Variants in ATM observed in about 807,000 individuals in gnomAD.
ATM encodes ATM serine/threonine kinase.
Under a neutral mutation model 387.0 loss-of-function variants are expected in ATM, and 308 were observed. The observed-to-expected ratio is 0.80, with a 90% CI of 0.73 to 0.87. The LOEUF (loss-of-function observed/expected upper bound fraction) is 0.87, where lower values mean the gene tolerates loss of function less well. Among genes scored for constraint, ATM ranks in the 40% least tolerant of loss-of-function variants. The pLI, the probability that ATM is intolerant of heterozygous loss-of-function variation, is 0.00. For missense variants in ATM, 3,312 were observed against 3,560.9 expected (o/e 0.93, Z 1.78); for synonymous variants, 1,156 against 1,187.3 (o/e 0.97, Z 0.54).
Position 108,365,380 on chromosome 11 carries a change from G to C in ATM, c.9043G>C (p.Glu3015Gln), listed in dbSNP as rs1591387120. The change falls in exon 63 of 63, where the codon GAG becomes CAG. Residue 3015 changes from glutamate (E) to glutamine (Q), a missense_variant. By Grantham distance (29) the Glu-to-Gln change is conservative. Transcript: ENST00000675843. The stretch of plus-strand genomic sequence containing the variant: ...TGAACGTGTCTTAATGAGACTACAA[G>C]AGAAACTGAAAGGAGTGGAAGAAGG... ...VAERVLMRLQEKLKGVEEGTV... is the reference protein window; with the variant it reads ...VAERVLMRLQQKLKGVEEGTV... 2 of 1,614,040 alleles carry C rather than the reference G, an allele frequency of 1.2e-6. No homozygotes were observed. Among genetic ancestry groups the C allele is most frequent in the Admixed American group, 1.7e-5 (1 of 59,996 alleles).
At chr11:108,249,515 A>C (rs1179330352) in intron 9 of ATM, among the ~76,000 whole-genome samples, 1 of 152,250 alleles carries the variant, frequency 6.6e-6, no homozygotes, top group Non-Finnish European at 1.5e-5. Flanking sequence ...TGCCATGATA[A>C]AAAGTTATTT....
At chr11:108,276,436 AGGCATTCT>A (rs2081952312) in intron 22 of ATM, among the ~76,000 whole-genome samples, 1 of 152,128 alleles carries the variant, frequency 6.6e-6, no homozygotes. Flanking sequence ...GCAGCAGAAG[AGGCATTCT>A]GGTTTTTGGA....
chr11:108,241,984 T>C (rs2079586351), intron 5 of ATM, among the ~76,000 whole-genome samples: 1 of 151,838 alleles, frequency 6.6e-6, no homozygotes, highest in African/African-American at 2.4e-5. Flanking sequence ...CCTCCCAAAG[T>C]GTTGGGATTA....
Position 108,252,819 on chromosome 11 carries a change from A to G in ATM, c.1805A>G (p.Asn602Ser), listed in dbSNP as rs1173305253. ...STEVPPILHS[N>S]FPHLVLEKIL... ...AAGCTTTTTGTTTTTCTTTGTAGTA[A>G]TTTTCCTCATCTTGTACTGGAGAAA... Residue 602 changes from asparagine to serine, a missense_variant and splice_region_variant, in exon 12 of 63, where the codon AAT (asparagine) becomes AGT (serine). Coordinates refer to ENST00000675843, the MANE Select transcript of ATM (RefSeq NM_000051.4). 2.5e-6 allele frequency: 4 copies of G among 1,605,148 alleles called. No homozygotes were observed. In the African/African-American group the frequency reaches 4.0e-5, roughly 16 times the overall value.
chr11:108,353,888 A>C lies in ATM; in HGVS notation c.8786+8A>C, dbSNP rs4986839. ...TGAAGGTGTCTTCAGAAGGTAAGTG[A>C]TATGAAGTAAAGGAGGGAAATAATT... On this transcript the variant is annotated splice_region_variant and intron_variant, in intron 60 of 62. Transcript: ENST00000675843. 0.035 allele frequency: 55,362 copies of C among 1,604,136 alleles called. 1,200 individuals are homozygous for C. Among genetic ancestry groups the C allele is most frequent in the Non-Finnish European group, 0.04 (46,907 of 1,171,016 alleles).
At chr11:108,333,238 T>C (rs2086474608) in intron 53 of ATM, among the ~76,000 whole-genome samples, 1 of 152,158 alleles carries the variant, frequency 6.6e-6, no homozygotes, top group South Asian at 2.1e-4. Flanking sequence ...TTTTAAACGA[T>C]GTGGTTACTA....
intron 43 of ATM, among the ~76,000 whole-genome samples, chr11:108,319,069 T>C (rs2084997624): frequency 6.6e-6 from 1 of 151,794 alleles, no homozygotes; most frequent in African/African-American, 2.4e-5. Flanking sequence ...CCCAGCTGCT[T>C]GGGAGGCTGA....
At chr11:108,361,741 C>T (rs1306613290) in intron 61 of ATM, among the ~76,000 whole-genome samples, 1 of 151,640 alleles carries the variant, frequency 6.6e-6, no homozygotes, top group Non-Finnish European at 1.5e-5. Flanking sequence ...AACTGGCTAG[C>T]CATATGGAGA....
chr11:108,265,364 G>C (rs1488627351), intron 16 of ATM, among the ~76,000 whole-genome samples: 3 of 152,094 alleles, frequency 2.0e-5, no homozygotes, highest in Non-Finnish European at 4.4e-5. Context: ...ACAAACCTGA[G>C]AAAAACAAGC....
intron 5 of ATM, among the ~76,000 whole-genome samples, chr11:108,242,922 A>T (rs2079637307): frequency 6.6e-6 from 1 of 152,190 alleles, no homozygotes; most frequent in African/African-American, 2.4e-5. Flanking sequence ...GTTAGGTTAC[A>T]AGTAGATAAA....
intron 16 of ATM, among the ~76,000 whole-genome samples, chr11:108,262,476 G>A (rs1466295637): frequency 6.6e-6 from 1 of 152,200 alleles, no homozygotes; most frequent in Non-Finnish European, 1.5e-5. Flanking sequence ...AAGAGCTCCT[G>A]AAGGAAGCAT....
chr11:108,286,312 C>CAAAA (rs34917552), intron 26 of ATM, among the ~76,000 whole-genome samples: 3 of 47,172 alleles, frequency 6.4e-5, no homozygotes, highest in Non-Finnish European at 1.1e-4. Context: ...GATTTCGTCT[C>CAAAA]AAAAAAAAAA....
chr11:108,294,108 T>G (rs2082990209), intron 31 of ATM, among the ~76,000 whole-genome samples: 1 of 151,888 alleles, frequency 6.6e-6, no homozygotes, highest in Non-Finnish European at 1.5e-5. Context: ...TTTTAACACA[T>G]AAGATCCTAA....
intron 42 of ATM, among the ~76,000 whole-genome samples, chr11:108,316,436 T>C (rs2084657719): frequency 6.6e-6 from 1 of 152,196 alleles, no homozygotes; most frequent in Non-Finnish European, 1.5e-5. Flanking sequence ...GTGTACTTAC[T>C]GCTTCACATG....
intron 29 of ATM, chr11:108,290,369 T>C (rs948420260): frequency 2.6e-5 from 4 of 152,156 alleles, no homozygotes; most frequent in Non-Finnish European, 4.4e-5. Context: ...CTCACACCTA[T>C]AATCCCAGCA....
chr11:108,293,963 A>T (rs1397897111), intron 31 of ATM, among the ~76,000 whole-genome samples: 1 of 149,082 alleles, frequency 6.7e-6, no homozygotes, highest in African/African-American at 2.5e-5. Flanking sequence ...GTAACGTGAG[A>T]TCTACCTACT....
At chr11:108,347,482 A>G (rs1371218136) in intron 59 of ATM, 117 bp downstream of exon 59, 3 of 882,798 alleles carry the variant, frequency 3.4e-6, no homozygotes, top group Non-Finnish European at 5.3e-6. Context: ...AGCAGTAAAT[A>G]TTGGGTTTTT....
chr11:108,288,405 G>A (rs983395730), intron 27 of ATM, among the ~76,000 whole-genome samples: 4 of 150,996 alleles, frequency 2.6e-5, no homozygotes, highest in African/African-American at 9.7e-5. Context: ...GTTATTATCT[G>A]TACAATTTAA....
chr11:108,266,255 C>T (rs1355920116), intron 16 of ATM, among the ~76,000 whole-genome samples: 1 of 151,304 alleles, frequency 6.6e-6, no homozygotes, highest in Admixed American at 6.6e-5. Context: ...CAATGATAGA[C>T]TGGATTAAGA....
Sources: allele counts gnomAD v4.1 joint callset (sites outside exome capture counted in the v4.1 genomes callset), GRCh38; gene constraint gnomAD v4.1.1; transcripts MANE v1.5; gene names NCBI Gene and HGNC (gene_info 2026-07-23, HGNC 2026-07-21).